RBBP6: variants seen among roughly 807,000 people sequenced by gnomAD.
RBBP6 encodes the protein E3 ubiquitin-protein ligase RBBP6.
A neutral mutation model predicts 167.7 loss-of-function variants in RBBP6; 25 were observed. That is an observed-to-expected ratio of 0.15 (90% CI 0.11 to 0.21). RBBP6 has a LOEUF of 0.21. Among genes scored for constraint, RBBP6 ranks in the 10% least tolerant of loss-of-function variants. The pLI is 1.00. For synonymous variants in RBBP6, 789 were observed against 735.8 expected, an observed-to-expected ratio of 1.07 and a Z score of -1.17; for missense variants, 1,868 against 2,134.2, an observed-to-expected ratio of 0.88 and a Z score of 2.46.
intron 1 of RBBP6, among the ~76,000 whole-genome samples, chr16:24,541,985 T>G (rs1898511253): frequency 6.6e-6 from 1 of 152,226 alleles, no homozygotes; most frequent in East Asian, 1.9e-4. Context: ...CTAAGTATAA[T>G]TGTATTAGGT....
intron 2 of RBBP6, among the ~76,000 whole-genome samples, chr16:24,548,743 C>G (rs1898726576): frequency 6.6e-6 from 1 of 151,896 alleles, no homozygotes; most frequent in Non-Finnish European, 1.5e-5. Flanking sequence ...TTTTCCAAAC[C>G]ACAAATCTAT....
At position 24,571,727 on chromosome 16, in the gene RBBP6, C is replaced by T; in HGVS notation, c.4661C>T (p.Pro1554Leu). The T allele has an allele frequency of 6.2e-7, 1 of 1,613,928 alleles. No homozygotes were observed. Among genetic ancestry groups the T allele is most frequent in the South Asian group, 1.1e-5 (1 of 91,068 alleles). The change falls in exon 18 of 18, where the codon CCA becomes CTA. Residue 1554 changes from proline (P) to leucine (L), a missense_variant. By Grantham distance (98) the Pro-to-Leu change is moderately conservative. This residue lies in a region of RBBP6 where 591 missense variants were observed against 540.5 expected (regional missense o/e 1.09). Transcript: ENST00000319715. ...AAAGCCACTTATGATACTAAACGGC[C>T]AAATGAAGAGACAAAATCTGTAGAT... ...DHKATYDTKR[P>L]NEETKSVDKN...
chr16:24,565,547 T>C (rs1239347253), intron 14 of RBBP6, among the ~76,000 whole-genome samples: 1 of 152,170 alleles, frequency 6.6e-6, no homozygotes, highest in African/African-American at 2.4e-5. Flanking sequence ...AAGATTCTCA[T>C]AGGAGCATGA....
chr16:24,547,636 A>G (rs576508425), intron 2 of RBBP6, among the ~76,000 whole-genome samples: 1 of 152,172 alleles, frequency 6.6e-6, no homozygotes, highest in African/African-American at 2.4e-5. Flanking sequence ...TTGGATTTTT[A>G]GTAGAGACTG....
intron 7 of RBBP6, chr16:24,558,674 G>A (rs1046032495): frequency 1.1e-5 from 2 of 178,346 alleles, no homozygotes; most frequent in African/African-American, 4.8e-5. Context: ...AGATGGGGGT[G>A]TAGAAGCAGT....
intron 3 of RBBP6, 178 bp from the exon 4 acceptor site, chr16:24,553,335 G>T: frequency 2.0e-6 from 1 of 493,710 alleles, no homozygotes; most frequent in Non-Finnish European, 3.7e-6. Context: ...TTTTATAACT[G>T]TGTGAAATAT....
Position 24,563,677 on chromosome 16 carries a change from T to G in RBBP6, c.1520+13T>G. The G allele has an allele frequency of 6.2e-7, 1 of 1,608,064 alleles. No individual in the cohort carries two copies. On this transcript the variant is annotated intron_variant, in intron 13 of 17. Coordinates refer to ENST00000319715, the MANE Select transcript of RBBP6 (RefSeq NM_006910.5). ...CAGGCTGGGAACAGTGAGTAGATGT[T>G]TACAATAATCTTCAGATGATTGCCT...
chr16:24,567,644 C>A, intron 15 of RBBP6, 139 bp downstream of exon 15: 1 of 1,280,726 alleles, frequency 7.8e-7, no homozygotes, highest in South Asian at 1.5e-5. Context: ...GCCATACAAG[C>A]AACTTCTCAG....
intron 17 of RBBP6, 38 bp from the exon 18 acceptor site, chr16:24,570,838 T>A: frequency 7.4e-7 from 1 of 1,348,250 alleles, no homozygotes; most frequent in African/African-American, 1.5e-5. Context: ...TAATAGTAAA[T>A]TCTTCATTAA....
intron 4 of RBBP6, chr16:24,554,164 C>A (rs977498643): frequency 6.6e-6 from 1 of 151,970 alleles, no homozygotes; most frequent in Admixed American, 6.6e-5. Flanking sequence ...AAATTGTTAC[C>A]TCCTGAATCA....
Position 24,568,983 on chromosome 16 carries a change from C to T in RBBP6, c.2293C>T (p.Arg765Cys), listed in dbSNP as rs374154802. 24 of 1,613,908 alleles carry T rather than the reference C, an allele frequency of 1.5e-5. No individual in the cohort carries two copies. The highest frequency in any genetic ancestry group is 2.2e-5 in the East Asian group (1 of 44,894). ...TAGGTCAAGGTCACCCCCTTACAGA[C>T]GCTATCATTCACGATCAAGATCTCC... ...RSRSRSPPYRRYHSRSRSPQA... is the reference protein window; with the variant it reads ...RSRSRSPPYRCYHSRSRSPQA... Residue 765 changes from arginine to cysteine, a missense_variant, in exon 17 of 18, where the codon CGC becomes TGC. Physicochemically the swap from Arg to Cys is radical, Grantham distance 180. Around this residue, in one of 7 missense-constraint regions of RBBP6, gnomAD observed 673 missense variants for 691.5 expected, o/e 0.97. Transcript: ENST00000319715.
intron 10 of RBBP6, 91 bp downstream of exon 10, chr16:24,562,252 G>A: frequency 8.7e-7 from 1 of 1,154,026 alleles, no homozygotes; most frequent in Non-Finnish European, 1.2e-6. Flanking sequence ...AGCTTTCTTA[G>A]TGGACCACTG....
intron 10 of RBBP6, 81 bp downstream of exon 10, chr16:24,562,242 A>G: frequency 7.6e-7 from 1 of 1,308,346 alleles, no homozygotes; most frequent in Non-Finnish European, 1.1e-6. Context: ...CACTTTTAAC[A>G]GCTTTCTTAG....
Position 24,571,902 on chromosome 16 carries a change from C to G in RBBP6, c.4836C>G (p.Val1612=), listed in dbSNP as rs776129889. ...CTGGGCAAATTGACAAGAGTACTGT[C>G]AAGCCTAAACCCCAGTTAAGTCATT... The part of the protein sequence containing the change: ...QITGQIDKST[V]KPKPQLSHSS... Residue 1612 remains valine, a synonymous_variant, in exon 18 of 18, where the codon GTC becomes GTG. Transcript: ENST00000319715. 28 of 1,613,968 alleles carry G rather than the reference C, an allele frequency of 1.7e-5. No homozygotes were observed. The highest frequency in any genetic ancestry group is 2.4e-5 in the Non-Finnish European group (28 of 1,179,992).
At chr16:24,561,474 A>AG in intron 8 of RBBP6, 138 bp from the exon 9 acceptor site, 1 of 703,086 alleles carries the variant, frequency 1.4e-6, no homozygotes, top group Admixed American at 2.8e-5. Flanking sequence ...TAAGTTTCTT[A>AG]ATCTAAGAAA....
Position 24,564,213 on chromosome 16 carries a change from T to A in RBBP6, c.1520+549T>A, listed in dbSNP as rs572663075. Among the ~76,000 whole-genome samples, 9 of 152,348 alleles carry A rather than the reference T, an allele frequency of 5.9e-5. No individual in the cohort carries two copies. The South Asian group carries it at 1.9e-3, about 32-fold the overall frequency. Reference sequence around the variant, plus strand: ...AAAATCAGCAGACTTACTTAATGTATTTTTAGTTATATAATTATTTCTGTT... The same window carrying A: ...AAAATCAGCAGACTTACTTAATGTAATTTTAGTTATATAATTATTTCTGTT... On this transcript the variant is annotated intron_variant, in intron 13 of 17. Coordinates refer to ENST00000319715, the MANE Select transcript of RBBP6 (RefSeq NM_006910.5).
rs1355137460 is a variant in RBBP6, at chr16:24,572,398, AAGG to A, written c.5335_5337del (p.Glu1779del). ...GTCAAAGAAGAACAAAGATAAAGAG[AAGG>A]AGAAGGAGAAAGATGACCAAAAAGT... On this transcript the variant is annotated inframe_deletion, in exon 18 of 18. Transcript: ENST00000319715. 3.0e-5 allele frequency: 45 copies of A among 1,522,324 alleles called. No individual in the cohort carries two copies. Among genetic ancestry groups the A allele is most frequent in the Middle Eastern group, 1.7e-4 (1 of 5,894 alleles). 94.3% of individuals were successfully genotyped at this position (1,522,324 alleles called of 1,614,324 possible).
intron 2 of RBBP6, among the ~76,000 whole-genome samples, chr16:24,547,108 T>G (rs1898675265): frequency 6.6e-6 from 1 of 152,182 alleles, no homozygotes; most frequent in African/African-American, 2.4e-5. Flanking sequence ...TTAGGTAGTA[T>G]TGTTTGAAAT....
chr16:24,557,815 A>T (rs538507235), intron 7 of RBBP6, among the ~76,000 whole-genome samples: 1 of 152,086 alleles, frequency 6.6e-6, no homozygotes, highest in Admixed American at 6.5e-5. Context: ...GCAGGTGGGG[A>T]TGATGATGAA....
Sources: allele counts gnomAD v4.1 joint callset (sites outside exome capture counted in the v4.1 genomes callset), GRCh38; gene constraint gnomAD v4.1.1; regional missense constraint gnomAD v4.1.1; transcripts MANE v1.5; gene names NCBI Gene and HGNC (gene_info 2026-07-23, HGNC 2026-07-21).